The following SPOCK3 variants were observed in gnomAD, a reference collection of about 807,000 sequenced individuals.
The protein encoded by SPOCK3 is testican-3.
In SPOCK3, 30 loss-of-function variants were observed where a neutral mutation model predicts 56.6. That is an observed-to-expected ratio of 0.53 (90% CI 0.40 to 0.72). The LOEUF (loss-of-function observed/expected upper bound fraction) is 0.72, where lower values mean the gene tolerates loss of function less well. SPOCK3 is among the 30% of genes least tolerant of loss of function. SPOCK3 has a pLI of 0.00. For missense variants in SPOCK3, 527 were observed against 530.0 expected (o/e 0.99, Z 0.06); for synonymous variants, 196 against 183.3 (o/e 1.07, Z -0.56).
Position 167,118,777 on chromosome 4 carries a change from G to T in SPOCK3, c.190-56240C>A, listed in dbSNP as rs180960976. ...AGAAAACTTGGCATTTGTTGATCAGGAAGCATAAATGCTGGCTTCTTTTGG... is the reference window on the plus strand; with the variant it reads ...AGAAAACTTGGCATTTGTTGATCAGTAAGCATAAATGCTGGCTTCTTTTGG... On this transcript the variant is annotated intron_variant, in intron 2 of 10. Coordinates refer to ENST00000357545, the MANE Select transcript of SPOCK3 (RefSeq NM_001040159.2). Among the ~76,000 whole-genome samples, 5 of 152,266 alleles carry T rather than the reference G, an allele frequency of 3.3e-5. No homozygotes were observed. The East Asian group carries it at 5.8e-4, about 18-fold the overall frequency.
At chr4:167,108,966 A>T (rs868399960) in intron 2 of SPOCK3, among the ~76,000 whole-genome samples, 65 of 72,328 alleles carry the variant, frequency 9.0e-4, no homozygotes, top group South Asian at 2.1e-3. Flanking sequence ...TATATATATA[A>T]ATATATAAAT....
intron 9 of SPOCK3, among the ~76,000 whole-genome samples, chr4:166,738,144 CTT>C (rs763208374): frequency 6.6e-6 from 1 of 152,140 alleles, no homozygotes; most frequent in African/African-American, 2.4e-5. Context: ...CTCTCTTCCA[CTT>C]TAAGATTTGA....
In SPOCK3 at chr4:167,127,431, CT is replaced by C. The variant is rs1423258826; in HGVS notation, c.190-64895del. Among the ~76,000 whole-genome samples the C allele has an allele frequency of 3.4e-3, 477 of 141,482 alleles. 1 individual carries two copies. Among genetic ancestry groups the C allele is most frequent in the Admixed American group, 3.6e-3 (51 of 14,070 alleles). The allele number at this position is 141,482 out of a possible 152,430, so 92.8% of individuals were successfully genotyped here. On this transcript the variant is annotated intron_variant, in intron 2 of 10. Transcript: ENST00000357545. ...TGGGGAAAAGATTGTTGGAAATTTT[CT>C]TTTTTTTTTTTTGGAGATGGAGTCT...
At chr4:166,852,703 C>T (rs542108447) in intron 6 of SPOCK3, among the ~76,000 whole-genome samples, 1 of 152,106 alleles carries the variant, frequency 6.6e-6, no homozygotes, top group Non-Finnish European at 1.5e-5. Context: ...ACCCTGCATG[C>T]AACAAACCTT....
intron 4 of SPOCK3, among the ~76,000 whole-genome samples, chr4:166,937,187 T>C (rs948318058): frequency 6.6e-6 from 1 of 151,886 alleles, no homozygotes; most frequent in East Asian, 1.9e-4. Context: ...GGCACAAGTG[T>C]TTAATGCAGC....
At chr4:166,898,714 G>T (rs1735681031) in intron 5 of SPOCK3, among the ~76,000 whole-genome samples, 1 of 152,302 alleles carries the variant, frequency 6.6e-6, no homozygotes, top group Non-Finnish European at 1.5e-5. Flanking sequence ...AGTGAGCCAA[G>T]ATTCATGTGT....
At chr4:166,740,905 G>T (rs1734777877) in intron 9 of SPOCK3, among the ~76,000 whole-genome samples, 1 of 152,068 alleles carries the variant, frequency 6.6e-6, no homozygotes, top group Admixed American at 6.6e-5. Context: ...ACACATTGTA[G>T]CATTTATCAT....
chr4:166,781,884 A>G (rs1428326822), intron 7 of SPOCK3, among the ~76,000 whole-genome samples: 1 of 152,198 alleles, frequency 6.6e-6, no homozygotes. Context: ...GAAACAAAAC[A>G]AAACAAAACA....
intron 6 of SPOCK3, among the ~76,000 whole-genome samples, chr4:166,878,325 A>T (rs1456087289): frequency 6.6e-6 from 1 of 152,156 alleles, no homozygotes; most frequent in African/African-American, 2.4e-5. Flanking sequence ...TAAGGAGAGA[A>T]AAATAAATGA....
chr4:166,944,555 G>C (rs1741495291), intron 4 of SPOCK3, among the ~76,000 whole-genome samples: 1 of 151,802 alleles, frequency 6.6e-6, no homozygotes, highest in Non-Finnish European at 1.5e-5. Context: ...TTGAGGGAGG[G>C]GTGGATTTCA....
intron 6 of SPOCK3, among the ~76,000 whole-genome samples, chr4:166,858,195 T>C (rs1302116034): frequency 2.0e-5 from 3 of 152,196 alleles, no homozygotes; most frequent in East Asian, 1.9e-4. Flanking sequence ...ACCACATAGA[T>C]AAGAGTTAGT....
intron 2 of SPOCK3, among the ~76,000 whole-genome samples, chr4:167,209,940 G>A (rs1734707820): frequency 6.6e-6 from 1 of 152,112 alleles, no homozygotes; most frequent in South Asian, 2.1e-4. Context: ...GGGCAGTGAA[G>A]GGGGACATCA....
At chr4:167,056,418 G>A (rs915396224) in intron 3 of SPOCK3, among the ~76,000 whole-genome samples, 5 of 152,174 alleles carry the variant, frequency 3.3e-5, no homozygotes, top group Non-Finnish European at 5.9e-5. Context: ...CACCAGCAAT[G>A]GAACAAAGCT....
At chr4:167,070,672 A>C (rs1054944736) in intron 2 of SPOCK3, among the ~76,000 whole-genome samples, 2 of 151,990 alleles carry the variant, frequency 1.3e-5, no homozygotes, top group African/African-American at 4.8e-5. Flanking sequence ...AATAGGTTAT[A>C]TATTATGGCA....
chr4:166,783,356 C>T (rs543184232), intron 7 of SPOCK3, among the ~76,000 whole-genome samples: 1 of 151,422 alleles, frequency 6.6e-6, no homozygotes, highest in South Asian at 2.1e-4. Flanking sequence ...GAGAGTCTGT[C>T]TAAAAAAAAA....
At chr4:166,977,859 T>C (rs957592177) in intron 4 of SPOCK3, among the ~76,000 whole-genome samples, 3 of 152,158 alleles carry the variant, frequency 2.0e-5, no homozygotes. Flanking sequence ...TGAATCAGTA[T>C]AGCATTAGAT....
intron 3 of SPOCK3, among the ~76,000 whole-genome samples, chr4:167,042,758 TCA>T (rs141474148): frequency 5.5e-4 from 84 of 152,244 alleles, no homozygotes; most frequent in African/African-American, 2.0e-3. Flanking sequence ...CTGAACATGT[TCA>T]CAGAATTTTT....
At chr4:166,832,630 A>C (rs1186274807) in intron 6 of SPOCK3, among the ~76,000 whole-genome samples, 1 of 152,218 alleles carries the variant, frequency 6.6e-6, no homozygotes, top group Non-Finnish European at 1.5e-5. Flanking sequence ...AGTACTATTC[A>C]CAATAGCCAA....
chr4:166,862,342 A>G (rs1731321101), intron 6 of SPOCK3, among the ~76,000 whole-genome samples: 1 of 152,088 alleles, frequency 6.6e-6, no homozygotes, highest in Admixed American at 6.6e-5. Flanking sequence ...GGAAGCCAGT[A>G]AAACTATGAA....
Sources: allele counts gnomAD v4.1 joint callset (sites outside exome capture counted in the v4.1 genomes callset), GRCh38; gene constraint gnomAD v4.1.1; transcripts MANE v1.5; gene names NCBI Gene and HGNC (gene_info 2026-07-23, HGNC 2026-07-21).